Variants in CPPED1 observed in about 807,000 individuals in gnomAD.
The protein encoded by CPPED1 is calcineurin like phosphoesterase domain containing 1.
Under a neutral mutation model 28.0 loss-of-function variants are expected in CPPED1, and 28 were observed. The ratio of observed to expected loss-of-function variants is 1.00; its 90% CI spans 0.74 to 1.37. The LOEUF is 1.37. Among genes scored for constraint, CPPED1 ranks in the 40% most tolerant of loss-of-function variants. The pLI, the probability that CPPED1 is intolerant of heterozygous loss-of-function variation, is 0.00. For missense variants in CPPED1, 504 were observed against 416.5 expected, an observed-to-expected ratio of 1.21 and a Z score of -1.83; for synonymous variants, 198 against 180.2, an observed-to-expected ratio of 1.10 and a Z score of -0.79.
intron 3 of CPPED1, among the ~76,000 whole-genome samples, chr16:12,687,339 A>G (rs965169365): frequency 6.6e-6 from 1 of 152,208 alleles, no homozygotes; most frequent in Non-Finnish European, 1.5e-5. Context: ...AAGAAATGAA[A>G]TATTACAATG....
At chr16:12,671,819 A>G (rs1401655985) in intron 3 of CPPED1, among the ~76,000 whole-genome samples, 1 of 152,026 alleles carries the variant, frequency 6.6e-6, no homozygotes, top group Non-Finnish European at 1.5e-5. Context: ...AGGTGGTCCC[A>G]TAAGATTATA....
At chr16:12,756,353 G>A (rs1010942295) in intron 2 of CPPED1, among the ~76,000 whole-genome samples, 1 of 152,104 alleles carries the variant, frequency 6.6e-6, no homozygotes, top group African/African-American at 2.4e-5. Context: ...CATCTCACGT[G>A]GGCAGTTCCA....
chr16:12,676,627 C>A (rs560786554), intron 3 of CPPED1, among the ~76,000 whole-genome samples: 28 of 152,278 alleles, frequency 1.8e-4, no homozygotes, highest in African/African-American at 6.7e-4. Context: ...TGCCAAAGAT[C>A]ACCGTGCCAT....
chr16:12,690,552 C>A (rs957557815), intron 3 of CPPED1, among the ~76,000 whole-genome samples: 1 of 150,742 alleles, frequency 6.6e-6, no homozygotes, highest in East Asian at 2.0e-4. Flanking sequence ...TGTGGTGGCT[C>A]ATGCCTGTAA....
chr16:12,723,610 C>T (rs2080153848), intron 2 of CPPED1, among the ~76,000 whole-genome samples: 2 of 152,280 alleles, frequency 1.3e-5, no homozygotes, highest in South Asian at 2.1e-4. Context: ...CTTCCAGCTT[C>T]CAGAACGGTG....
chr16:12,798,211 A>G (rs557453893), intron 1 of CPPED1, among the ~76,000 whole-genome samples: 2 of 152,332 alleles, frequency 1.3e-5, no homozygotes, highest in East Asian at 3.9e-4. Context: ...TGTGCTGGTC[A>G]CTCTATCCCT....
At chr16:12,724,302 G>T (rs1273882060) in intron 2 of CPPED1, among the ~76,000 whole-genome samples, 1 of 152,134 alleles carries the variant, frequency 6.6e-6, no homozygotes, top group African/African-American at 2.4e-5. Context: ...TCTGTCCTCT[G>T]CTTCAATTCC....
At chr16:12,725,659 C>T (rs1352369207) in intron 2 of CPPED1, among the ~76,000 whole-genome samples, 1 of 152,042 alleles carries the variant, frequency 6.6e-6, no homozygotes, top group African/African-American at 2.4e-5. Flanking sequence ...TCAAAAGGAC[C>T]ACAGGTAGAG....
chr16:12,763,380 A>T (rs2080421258), intron 2 of CPPED1, among the ~76,000 whole-genome samples: 2 of 152,160 alleles, frequency 1.3e-5, no homozygotes, highest in African/African-American at 4.8e-5. Flanking sequence ...CCTTGGTAAA[A>T]ATGTTTTAAT....
Position 12,664,807 on chromosome 16 carries a change from A to G in CPPED1, c.*79T>C. ...CCTGGGCTATTTTTATATTTCAGCA[A>G]GAGGTTGTGTGCAGCTGCTGTTTCT... is the stretch of plus-strand genomic sequence containing the variant. On this transcript the variant is annotated 3_prime_UTR_variant, in exon 4 of 4. Coordinates refer to ENST00000381774, the MANE Select transcript of CPPED1 (RefSeq NM_018340.3). The surrounding 1 kb of genome is among the most constrained non-coding windows in gnomAD (Gnocchi z 4.2). The G allele has an allele frequency of 6.3e-7, 1 of 1,580,714 alleles. No individual in the cohort carries two copies. The highest frequency in any genetic ancestry group is 2.3e-5 in the East Asian group (1 of 44,042).
intron 2 of CPPED1, among the ~76,000 whole-genome samples, chr16:12,766,564 G>A (rs2080440812): frequency 6.6e-6 from 1 of 152,042 alleles, no homozygotes; most frequent in South Asian, 2.1e-4. Flanking sequence ...CACAACACAT[G>A]GGAATTATGG....
chr16:12,764,348 C>T (rs2080427273), intron 2 of CPPED1, among the ~76,000 whole-genome samples: 1 of 152,114 alleles, frequency 6.6e-6, no homozygotes, highest in Non-Finnish European at 1.5e-5. Flanking sequence ...CGATAACATG[C>T]ACATGCCACC....
intron 2 of CPPED1, among the ~76,000 whole-genome samples, chr16:12,744,040 G>C (rs1226671683): frequency 6.6e-6 from 1 of 152,146 alleles, no homozygotes; most frequent in Non-Finnish European, 1.5e-5. Flanking sequence ...ACTTTGGGAG[G>C]CTGAGGCGGG....
intron 1 of CPPED1, among the ~76,000 whole-genome samples, chr16:12,792,101 G>A (rs8048684): frequency 0.26 from 39,282 of 151,938 alleles, 6,494 homozygotes; most frequent in African/African-American, 0.47. Flanking sequence ...ACAGGAGTGC[G>A]CCACCACACC....
At chr16:12,694,461 T>C (rs2079978992) in intron 3 of CPPED1, among the ~76,000 whole-genome samples, 1 of 152,172 alleles carries the variant, frequency 6.6e-6, no homozygotes, top group Non-Finnish European at 1.5e-5. Flanking sequence ...CTGTTAAGGA[T>C]ACCTCCAAAG....
intron 3 of CPPED1, among the ~76,000 whole-genome samples, chr16:12,687,658 C>T (rs1457605289): frequency 2.0e-5 from 3 of 152,154 alleles, no homozygotes; most frequent in African/African-American, 7.2e-5. Context: ...ATAATCCCAG[C>T]TACTCGGAAG....
Position 12,748,870 on chromosome 16 carries a change from G to A in CPPED1, c.289+32315C>T, listed in dbSNP as rs189793802. Among the ~76,000 whole-genome samples, 59 of 126,756 alleles carry A rather than the reference G, an allele frequency of 4.7e-4. No homozygotes were observed. In the Middle Eastern group the frequency reaches 0.018, roughly 39 times the overall value. 83.2% of individuals were successfully genotyped at this position (126,756 alleles called of 152,430 possible). Reference sequence around the variant, plus strand: ...TGAACTCCAGCCTGGACAACAGAGCGAGACTCCATCTCAAAAAAAAAAAAA... The same window carrying A: ...TGAACTCCAGCCTGGACAACAGAGCAAGACTCCATCTCAAAAAAAAAAAAA... On this transcript the variant is annotated intron_variant, in intron 2 of 3. Coordinates refer to ENST00000381774, the MANE Select transcript of CPPED1 (RefSeq NM_018340.3).
Position 12,704,934 on chromosome 16 carries a change from C to T in CPPED1, c.405G>A (p.Thr135=), listed in dbSNP as rs370257644. The T allele has an allele frequency of 2.1e-5, 34 of 1,614,014 alleles. 1 individual carries two copies. The highest frequency in any genetic ancestry group is 1.5e-4 in the Admixed American group (9 of 59,996). Residue 135 remains threonine (T), a synonymous_variant, in exon 3 of 4, where the codon ACG becomes ACA. Transcript: ENST00000381774. ...SGNHDIGNTP[T]AETVEEFCRT... is the part of the protein sequence containing the mutation. ...GGCAGAACTCCTCGACGGTCTCGGC[C>T]GTGGGGGTGTTGCCAATGTCATGGT... is the stretch of plus-strand genomic sequence containing the variant.
At chr16:12,730,012 C>G (rs1407081979) in intron 2 of CPPED1, among the ~76,000 whole-genome samples, 1 of 152,166 alleles carries the variant, frequency 6.6e-6, no homozygotes, top group Non-Finnish European at 1.5e-5. Flanking sequence ...TAGACACATG[C>G]CACCATGCCT....
Sources: allele counts gnomAD v4.1 joint callset (sites outside exome capture counted in the v4.1 genomes callset), GRCh38; gene constraint gnomAD v4.1.1; non-coding constraint Gnocchi (gnomAD v3.1); transcripts MANE v1.5; gene names NCBI Gene and HGNC (gene_info 2026-07-23, HGNC 2026-07-21).